UGT1A10: variants seen among roughly 807,000 people sequenced by gnomAD.
UGT1A10 encodes the protein UDP-glucuronosyltransferase 1A10.
Under a neutral mutation model 45.8 loss-of-function variants are expected in UGT1A10, and 49 were observed. The ratio of observed to expected loss-of-function variants is 1.07; its 90% CI spans 0.85 to 1.36. The LOEUF (loss-of-function observed/expected upper bound fraction) is 1.36, where lower values mean the gene tolerates loss of function less well. Ranked by LOEUF, UGT1A10 falls within the 40% of genes most tolerant of loss-of-function variation. The pLI is 0.00. For missense variants in UGT1A10, 745 were observed against 668.6 expected (o/e 1.11, Z -1.26); for synonymous variants, 284 against 249.7 (o/e 1.14, Z -1.29).
intron 1 of UGT1A10, among the ~76,000 whole-genome samples, chr2:233,715,962 T>C (rs181027310): frequency 6.6e-5 from 10 of 152,310 alleles, no homozygotes; most frequent in Non-Finnish European, 1.2e-4. Flanking sequence ...GACTGACTGA[T>C]TGACTGATTG....
chr2:233,712,871 C>T (rs1381753023), intron 1 of UGT1A10: 1 of 1,585,042 alleles, frequency 6.3e-7, no homozygotes, highest in African/African-American at 1.3e-5. Context: ...GGAGGGCACT[C>T]TGTCTTCAAT....
intron 1 of UGT1A10, among the ~76,000 whole-genome samples, chr2:233,761,822 T>C (rs1451181524): frequency 6.6e-6 from 1 of 152,180 alleles, no homozygotes; most frequent in Non-Finnish European, 1.5e-5. Context: ...AGAGGCTCCT[T>C]CAGATGGAGC....
At chr2:233,748,787 G>A (rs988744506) in intron 1 of UGT1A10, among the ~76,000 whole-genome samples, 5 of 151,380 alleles carry the variant, frequency 3.3e-5, no homozygotes, top group Admixed American at 2.6e-4. Flanking sequence ...CTTCTACTTG[G>A]AATGCTGAAA....
chr2:233,724,359 C>T (rs1387977005), intron 1 of UGT1A10, among the ~76,000 whole-genome samples: 12 of 146,792 alleles, frequency 8.2e-5, no homozygotes, highest in South Asian at 2.3e-4. Context: ...ACCTCCCTCC[C>T]GGACGGGGTG....
At chr2:233,637,895 T>C (rs917739963) in intron 1 of UGT1A10, among the ~76,000 whole-genome samples, 1 of 152,178 alleles carries the variant, frequency 6.6e-6, no homozygotes, top group African/African-American at 2.4e-5. Context: ...ACAGACAGAT[T>C]TGACAAGTTC....
chr2:233,742,472 C>T (rs1248700519), intron 1 of UGT1A10, among the ~76,000 whole-genome samples: 4 of 151,922 alleles, frequency 2.6e-5, no homozygotes. Flanking sequence ...TTCCAGTAAA[C>T]TCACAACCTT....
At chr2:233,753,112 C>T (rs1267815033) in intron 1 of UGT1A10, 1 of 152,194 alleles carries the variant, frequency 6.6e-6, no homozygotes, top group African/African-American at 2.4e-5. Context: ...CAAACCCATC[C>T]CCAGCAAACT....
chr2:233,673,532 A>G (rs1354332041), intron 1 of UGT1A10, among the ~76,000 whole-genome samples: 3 of 152,126 alleles, frequency 2.0e-5, no homozygotes, highest in Non-Finnish European at 4.4e-5. Context: ...CAGGATTTCC[A>G]TGAATTGAGA....
chr2:233,692,059 G>A (rs2075075325), intron 1 of UGT1A10: 1 of 152,180 alleles, frequency 6.6e-6, no homozygotes, highest in Non-Finnish European at 1.5e-5. Context: ...CGATTAGAGG[G>A]AAGAAAGGAG....
chr2:233,766,390 C>T (rs11679312), intron 1 of UGT1A10, among the ~76,000 whole-genome samples: 2,966 of 152,260 alleles, frequency 0.019, 34 homozygotes, highest in Non-Finnish European at 0.031. Context: ...GTCCAGCTGT[C>T]CTTGCGTCCC....
At chr2:233,768,582 CTTT>C (rs139595073) in intron 4 of UGT1A10, 143 bp downstream of exon 4, 59,155 of 999,984 alleles carry the variant, frequency 0.059, 10 homozygotes, top group East Asian at 0.12. Flanking sequence ...TTTATTTCTT[CTTT>C]TTTTTTTTTT....
rs1559415894 is a variant in UGT1A10, at chr2:233,768,434, C to CA, written c.1294dup (p.Ser432LysfsTer74). 6.2e-7 allele frequency: 1 copy of CA among 1,613,634 alleles called. No individual in the cohort carries two copies. The highest frequency in any genetic ancestry group is 1.1e-5 in the South Asian group (1 of 90,992). Reference sequence around the variant, plus strand: ...ATGCTCTAAAAGCAGTCATCAATGACAAAAGGTAAGAAAGAAGATACAGAA... The same window carrying CA: ...ATGCTCTAAAAGCAGTCATCAATGACAAAAAGGTAAGAAAGAAGATACAGAA... On this transcript the variant is annotated frameshift_variant, in exon 4 of 5. Transcript: ENST00000344644. LOFTEE classifies it high-confidence loss of function.
chr2:233,675,138 A>C (rs984372310), intron 1 of UGT1A10, among the ~76,000 whole-genome samples: 1 of 145,294 alleles, frequency 6.9e-6, no homozygotes, highest in Non-Finnish European at 1.6e-5. Flanking sequence ...CCTTGAGGCT[A>C]TCCAGGGGAA....
At chr2:233,755,311 C>T (rs1380738778) in intron 1 of UGT1A10, 2 of 555,594 alleles carry the variant, frequency 3.6e-6, no homozygotes, top group South Asian at 1.8e-5. Flanking sequence ...GCACAGCGAG[C>T]GGCAAGGCTG....
chr2:233,760,910 A>G (rs1375729895), intron 1 of UGT1A10: 2 of 1,614,074 alleles, frequency 1.2e-6, no homozygotes, highest in Non-Finnish European at 1.7e-6. Context: ...ACCTTCCTGC[A>G]GCGGGTGAAG....
chr2:233,666,227 A>G (rs375139520), intron 1 of UGT1A10, among the ~76,000 whole-genome samples: 1 of 152,142 alleles, frequency 6.6e-6, no homozygotes, highest in Admixed American at 6.5e-5. Flanking sequence ...AAGTTCACTC[A>G]TTACTGGGAG....
chr2:233,729,818 A>G, intron 1 of UGT1A10: 1 of 1,613,812 alleles, frequency 6.2e-7, no homozygotes, highest in Non-Finnish European at 8.5e-7. Flanking sequence ...TCTGCTCCTT[A>G]TGCAAGCCTT....
Position 233,726,984 on chromosome 2 carries a change from G to A in UGT1A10, c.856-40050G>A, listed in dbSNP as rs570702921. Among the ~76,000 whole-genome samples, 9 of 152,176 alleles carry A rather than the reference G, an allele frequency of 5.9e-5. No individual in the cohort carries two copies. The East Asian group carries it at 1.2e-3, about 20-fold the overall frequency. ...GAGCAAAAGTTTTAGATTTTGATGA[G>A]GTTCTTTCTAGCAAAGTTTTATCAT... On this transcript the variant is annotated intron_variant, in intron 1 of 4. Transcript: ENST00000344644.
In UGT1A10 at chr2:233,671,313, G is replaced by A. The variant is rs45473696; in HGVS notation, c.855+33936G>A. On this transcript the variant is annotated intron_variant, in intron 1 of 4. Coordinates refer to ENST00000344644, the MANE Select transcript of UGT1A10 (RefSeq NM_019075.4). ...ATAGGAGACGGTTACTTTCCATCAA[G>A]TCCCTGGTATGGTCCATGGAAGCAG... Among the ~76,000 whole-genome samples, 42 of 152,196 alleles carry A rather than the reference G, an allele frequency of 2.8e-4. 1 individual carries two copies. Among genetic ancestry groups the A allele is most frequent in the South Asian group, 4.1e-4 (2 of 4,826 alleles).
Sources: gnomAD v4.1 joint callset for allele counts (sites outside exome capture counted in the v4.1 genomes callset) on GRCh38, gnomAD v4.1.1 for gene constraint, MANE v1.5 for transcripts, NCBI Gene and HGNC (gene_info 2026-07-23, HGNC 2026-07-21) for gene names.